C1orf21: variants seen among roughly 807,000 people sequenced by gnomAD.
C1orf21 encodes the protein chromosome 1 open reading frame 21.
Under a neutral mutation model 18.7 loss-of-function variants are expected in C1orf21, and 3 were observed. That is an observed-to-expected ratio of 0.16 (90% confidence interval 0.07 to 0.42). C1orf21 has a LOEUF of 0.42. C1orf21 is among the 10% of genes least tolerant of loss of function. C1orf21 has a pLI of 0.99. For missense variants in C1orf21, 104 were observed against 143.6 expected (o/e 0.72, Z 1.41); for synonymous variants, 41 against 46.4 (o/e 0.88, Z 0.47).
chr1:184,484,081 G>A (rs1213384376), intron 2 of C1orf21, among the ~76,000 whole-genome samples: 2 of 151,938 alleles, frequency 1.3e-5, no homozygotes, highest in Non-Finnish European at 2.9e-5. Context: ...CCACCACCGC[G>A]CCCGGCTAAT....
At chr1:184,610,585 G>T (rs911673026) in intron 5 of C1orf21, among the ~76,000 whole-genome samples, 1 of 152,166 alleles carries the variant, frequency 6.6e-6, no homozygotes, top group Non-Finnish European at 1.5e-5. Context: ...GGTGGCTCAC[G>T]CCTGTAATCC....
At chr1:184,507,054 A>T (rs1053475556) in intron 2 of C1orf21, among the ~76,000 whole-genome samples, 2 of 151,606 alleles carry the variant, frequency 1.3e-5, no homozygotes, top group African/African-American at 4.8e-5. Context: ...AAAATTTAAT[A>T]TAGGGATCAC....
At chr1:184,437,409 G>A (rs891791379) in intron 1 of C1orf21, among the ~76,000 whole-genome samples, 1 of 151,758 alleles carries the variant, frequency 6.6e-6, no homozygotes, top group East Asian at 1.9e-4. Context: ...TTCCCTTGGC[G>A]CTTTGTTTTT....
rs377713691 is a variant in C1orf21 at position 184,437,069 on chromosome 1, G to A, written c.-124-40317G>A. On this transcript the variant is annotated intron_variant, in intron 1 of 5. Transcript: ENST00000235307. ...CATGGTAGAGAAAAGGAGACTAGAT[G>A]AAAGAGAGCCTGTGGGATGGGGTGA... is the stretch of plus-strand genomic sequence containing the variant. Among the ~76,000 whole-genome samples the A allele has an allele frequency of 1.5e-4, 23 of 152,234 alleles. No homozygotes were observed. The East Asian group carries it at 4.3e-3, about 28-fold the overall frequency.
chr1:184,410,120 G>A (rs1656308995), intron 1 of C1orf21, among the ~76,000 whole-genome samples: 1 of 151,908 alleles, frequency 6.6e-6, no homozygotes, highest in Non-Finnish European at 1.5e-5. Context: ...TATTGTTCTG[G>A]CCAAAGAAAA....
At chr1:184,538,545 A>G (rs1294318176) in intron 3 of C1orf21, among the ~76,000 whole-genome samples, 3 of 152,122 alleles carry the variant, frequency 2.0e-5, no homozygotes, top group Non-Finnish European at 4.4e-5. Flanking sequence ...ATGCAATGTC[A>G]TGAAGCTTTT....
At chr1:184,554,173 G>A (rs1042322940) in intron 3 of C1orf21, among the ~76,000 whole-genome samples, 12 of 152,178 alleles carry the variant, frequency 7.9e-5, no homozygotes, top group Admixed American at 7.9e-4. Context: ...AACCTGTAAT[G>A]AGTTCTGTGA....
chr1:184,523,964 G>A (rs192710940), intron 3 of C1orf21, among the ~76,000 whole-genome samples: 4 of 152,050 alleles, frequency 2.6e-5, no homozygotes, highest in Non-Finnish European at 4.4e-5. Flanking sequence ...GAAATCTTAC[G>A]TCAACTTGTC....
chr1:184,403,973 T>C (rs1444918873), intron 1 of C1orf21, among the ~76,000 whole-genome samples: 1 of 152,242 alleles, frequency 6.6e-6, no homozygotes, highest in Non-Finnish European at 1.5e-5. Context: ...TTTAACTTTA[T>C]TCAGCAGGAG....
intron 1 of C1orf21, among the ~76,000 whole-genome samples, chr1:184,457,693 C>T (rs989088390): frequency 2.0e-5 from 3 of 152,118 alleles, no homozygotes; most frequent in Non-Finnish European, 2.9e-5. Flanking sequence ...TATCCATGTG[C>T]TTGCTTCTCT....
chr1:184,559,603 C>CTCCCTCCCTCCCTCCCTTACTTTCT (rs1658933061), intron 3 of C1orf21, among the ~76,000 whole-genome samples: 1 of 137,466 alleles, frequency 7.3e-6, no homozygotes. Context: ...TCCTTCCTTC[C>CTCCCTCCCTCCCTCCCTTACTTTCT]TTCCTTCCTC....
intron 1 of C1orf21, chr1:184,412,071 G>C (rs930433313): frequency 1.3e-5 from 2 of 152,168 alleles, no homozygotes; most frequent in African/African-American, 4.8e-5. Context: ...ACATCATTGG[G>C]GGGTTTTATA....
intron 3 of C1orf21, among the ~76,000 whole-genome samples, chr1:184,586,285 C>CTTTTTTT (rs59964534): frequency 7.8e-6 from 1 of 128,462 alleles, no homozygotes; most frequent in Admixed American, 7.9e-5. Context: ...CTTTTGTCCA[C>CTTTTTTT]TTTTTTTTTT....
At chr1:184,407,424 G>A (rs1044678116) in intron 1 of C1orf21, among the ~76,000 whole-genome samples, 4 of 152,180 alleles carry the variant, frequency 2.6e-5, no homozygotes, top group South Asian at 2.1e-4. Context: ...AGCTACATTT[G>A]TCTGGTAACA....
Position 184,483,559 on chromosome 1 carries a change from G to T in C1orf21, c.94+5956G>T, listed in dbSNP as rs574865066. The stretch of plus-strand genomic sequence containing the variant: ...TAAACTTGAGTCACTTTTGGCTTTT[G>T]CAGTTAGTTTCCAGATCCTATAAAT... On this transcript the variant is annotated intron_variant, in intron 2 of 5. Coordinates refer to ENST00000235307, the MANE Select transcript of C1orf21 (RefSeq NM_030806.4). Among the ~76,000 whole-genome samples the T allele has an allele frequency of 2.6e-5, 4 of 152,142 alleles. No individual in the cohort carries two copies. In the South Asian group the frequency reaches 6.2e-4, roughly 24 times the overall value.
chr1:184,589,724 A>T (rs1571291974), intron 3 of C1orf21, among the ~76,000 whole-genome samples: 1 of 152,348 alleles, frequency 6.6e-6, no homozygotes, highest in Non-Finnish European at 1.5e-5. Flanking sequence ...CTCATGTTTG[A>T]TAGTTAATAA....
intron 1 of C1orf21, among the ~76,000 whole-genome samples, chr1:184,415,432 A>G (rs893384742): frequency 4.6e-5 from 7 of 152,188 alleles, no homozygotes; most frequent in African/African-American, 1.7e-4. Context: ...TAATCTGTTC[A>G]GTAGGTCTGG....
chr1:184,412,451 G>T (rs1442514743), intron 1 of C1orf21: 3 of 152,206 alleles, frequency 2.0e-5, no homozygotes, highest in Non-Finnish European at 2.9e-5. Flanking sequence ...GACAAAAATG[G>T]TGTATGGATC....
chr1:184,443,018 G>A (rs1490652109), intron 1 of C1orf21, among the ~76,000 whole-genome samples: 1 of 152,140 alleles, frequency 6.6e-6, no homozygotes, highest in Non-Finnish European at 1.5e-5. Context: ...CATTATAGTT[G>A]TGAAGTCAGT....
Sources: allele counts gnomAD v4.1 joint callset (sites outside exome capture counted in the v4.1 genomes callset), GRCh38; gene constraint gnomAD v4.1.1; transcripts MANE v1.5; gene names NCBI Gene and HGNC (gene_info 2026-07-23, HGNC 2026-07-21).